WDPCP: variants seen among roughly 807,000 people sequenced by gnomAD.
WDPCP encodes the protein WD repeat containing planar cell polarity effector.
WDPCP carries 71 observed loss-of-function variants against 93.1 expected under a neutral mutation model. The observed-to-expected ratio is 0.76, with a 90% confidence interval of 0.63 to 0.93. WDPCP has a LOEUF of 0.93. Among genes scored for constraint, WDPCP ranks in the 40% least tolerant of loss-of-function variants. The pLI is 0.00. For missense variants in WDPCP, 844 were observed against 887.4 expected (o/e 0.95, Z 0.62); for synonymous variants, 315 against 315.0 (o/e 1.00, Z 0.00).
intron 14 of WDPCP, among the ~76,000 whole-genome samples, chr2:63,188,606 TCA>T (rs1674811494): frequency 1.3e-5 from 2 of 152,058 alleles, no homozygotes; most frequent in Non-Finnish European, 2.9e-5. Context: ...AGTGCTAGGA[TCA>T]GAGGCTTGAG....
intron 2 of WDPCP, among the ~76,000 whole-genome samples, chr2:63,768,079 AT>A (rs1167085421): frequency 6.6e-6 from 1 of 152,142 alleles, no homozygotes; most frequent in African/African-American, 2.4e-5. Context: ...TCTATGATCA[AT>A]TTTTAGTTGA....
intron 3 of WDPCP, chr2:63,594,228 G>A (rs1709258585): frequency 3.6e-6 from 2 of 561,710 alleles, no homozygotes; most frequent in Admixed American, 1.9e-5. Context: ...GCCTATTTTA[G>A]TGGTAAAATA....
At chr2:63,513,373 G>C (rs2106106077) in intron 1 of WDPCP, among the ~76,000 whole-genome samples, 1 of 152,214 alleles carries the variant, frequency 6.6e-6, no homozygotes, top group African/African-American at 2.4e-5. Context: ...GTATGTTGGG[G>C]AGAGGATGAG....
chr2:63,436,358 A>G (rs189864501), intron 8 of WDPCP, among the ~76,000 whole-genome samples: 21 of 152,250 alleles, frequency 1.4e-4, no homozygotes, highest in Admixed American at 1.2e-3. Flanking sequence ...TATCACCACA[A>G]TGAAAAACTC....
At chr2:63,564,985 G>C (rs1226452595) in intron 1 of WDPCP, among the ~76,000 whole-genome samples, 1 of 152,072 alleles carries the variant, frequency 6.6e-6, no homozygotes, top group East Asian at 1.9e-4. Context: ...CACCATATTA[G>C]CCAGGATAGT....
intron 17 of WDPCP, among the ~76,000 whole-genome samples, chr2:63,137,823 G>T (rs1450797966): frequency 6.6e-6 from 1 of 151,976 alleles, no homozygotes; most frequent in African/African-American, 2.4e-5. Flanking sequence ...GCATTTCTCC[G>T]TTGCTTGTTT....
At chr2:63,428,791 A>G (rs1696510236) in intron 9 of WDPCP, among the ~76,000 whole-genome samples, 1 of 152,176 alleles carries the variant, frequency 6.6e-6, no homozygotes, top group Non-Finnish European at 1.5e-5. Context: ...TCCCATTCAC[A>G]ATAGCCACAA....
intron 2 of WDPCP, among the ~76,000 whole-genome samples, chr2:63,812,883 A>AT (rs940141489): frequency 6.3e-4 from 91 of 144,002 alleles, no homozygotes; most frequent in South Asian, 6.6e-4. Context: ...AAATCACTTT[A>AT]TTTTTTTTTT....
At chr2:63,528,511 A>C (rs551516829) in intron 1 of WDPCP, among the ~76,000 whole-genome samples, 1 of 152,294 alleles carries the variant, frequency 6.6e-6, no homozygotes, top group Admixed American at 6.5e-5. Context: ...AGGTTTGTCA[A>C]AGATCAGATA....
At chr2:63,394,498 A>T (rs1374188427) in intron 10 of WDPCP, among the ~76,000 whole-genome samples, 4 of 152,142 alleles carry the variant, frequency 2.6e-5, no homozygotes, top group African/African-American at 9.7e-5. Context: ...AAAGAACTTG[A>T]AACAGAATTG....
intron 13 of WDPCP, among the ~76,000 whole-genome samples, chr2:63,259,825 GTTA>G (rs1330777830): frequency 6.6e-6 from 1 of 152,112 alleles, no homozygotes; most frequent in Admixed American, 6.5e-5. Flanking sequence ...GCATATATTT[GTTA>G]TTATTAATAT....
chr2:63,744,349 A>G (rs535935497), intron 2 of WDPCP, among the ~76,000 whole-genome samples: 9 of 152,228 alleles, frequency 5.9e-5, no homozygotes, highest in East Asian at 5.8e-4. Flanking sequence ...ATGGCACATC[A>G]TTCCTCGTTT....
At chr2:63,713,019 G>A (rs1219594660) in intron 2 of WDPCP, among the ~76,000 whole-genome samples, 5 of 152,132 alleles carry the variant, frequency 3.3e-5, no homozygotes, top group African/African-American at 9.7e-5. Context: ...CTCTGGCAAC[G>A]CTGCCACTCA....
intron 13 of WDPCP, among the ~76,000 whole-genome samples, chr2:63,303,153 T>C (rs1343683295): frequency 1.3e-5 from 2 of 152,216 alleles, no homozygotes; most frequent in Non-Finnish European, 2.9e-5. Flanking sequence ...TTTACAAGGC[T>C]ATCCCTGCAC....
At position 63,673,126 on chromosome 2, in the gene WDPCP, A is replaced by G. The variant is rs528004323; in HGVS notation, n.309-22288T>C. 1.1e-4 allele frequency among the ~76,000 whole-genome samples: 17 copies of G among 152,318 alleles called. No homozygotes were observed. The South Asian group carries it at 3.5e-3, about 32-fold the overall frequency. On this transcript the variant is annotated intron_variant and non_coding_transcript_variant, in intron 2 of 4. Transcript: ENST00000467687. The stretch of plus-strand genomic sequence containing the variant: ...ATATAAATATGTGTTAATTAGCATA[A>G]TACCTTAAGTGCATAAGGTACCTAA...
chr2:63,642,467 T>TG (rs1709992536), intron 3 of WDPCP: 1 of 151,338 alleles, frequency 6.6e-6, no homozygotes. Context: ...TTCTTTCTTT[T>TG]TTTTTTTTTG....
At chr2:63,684,752 A>G in intron 2 of WDPCP, 1 of 582,676 alleles carries the variant, frequency 1.7e-6, no homozygotes, top group Non-Finnish European at 3.3e-6. Flanking sequence ...AAAAAATAAG[A>G]AAAAGAAATA....
chr2:63,538,160 T>G (rs1280111199), intron 1 of WDPCP, among the ~76,000 whole-genome samples: 1 of 151,892 alleles, frequency 6.6e-6, no homozygotes, highest in Non-Finnish European at 1.5e-5. Context: ...ATCTCAAGAG[T>G]AACACAATTC....
intron 1 of WDPCP, among the ~76,000 whole-genome samples, chr2:63,821,859 C>A (rs1418199468): frequency 2.6e-5 from 4 of 152,056 alleles, no homozygotes; most frequent in Non-Finnish European, 5.9e-5. Flanking sequence ...CACACACAAA[C>A]GCACACTTAA....
Sources: gnomAD v4.1 joint callset for allele counts (sites outside exome capture counted in the v4.1 genomes callset) on GRCh38, gnomAD v4.1.1 for gene constraint, MANE v1.5 for transcripts, NCBI Gene and HGNC (gene_info 2026-07-23, HGNC 2026-07-21) for gene names.